GRIP1: variants seen among roughly 807,000 people sequenced by gnomAD.
GRIP1 encodes glutamate receptor interacting protein 1, also known as glutamate receptor-interacting protein 1.
Under a neutral mutation model 129.9 loss-of-function variants are expected in GRIP1, and 45 were observed. The observed-to-expected ratio is 0.35, with a 90% CI of 0.27 to 0.44. The LOEUF (loss-of-function observed/expected upper bound fraction) is 0.44, where lower values mean the gene tolerates loss of function less well. Ranked by LOEUF, GRIP1 falls within the 20% of genes least tolerant of loss-of-function variation. GRIP1 has a pLI of 1.00. For synonymous variants in GRIP1, 530 were observed against 520.8 expected (o/e 1.02, Z -0.24); for missense variants, 1,196 against 1,396.8 (o/e 0.86, Z 2.29).
chr12:66,574,623 A>G (rs902691351), intron 2 of GRIP1, among the ~76,000 whole-genome samples: 9 of 152,188 alleles, frequency 5.9e-5, no homozygotes, highest in Admixed American at 2.6e-4. Flanking sequence ...CTATTGATAG[A>G]TATTTTAGGT....
chr12:66,945,381 G>T (rs1044638965), intron 1 of GRIP1, among the ~76,000 whole-genome samples: 2 of 152,174 alleles, frequency 1.3e-5, no homozygotes, highest in African/African-American at 4.8e-5. Context: ...TTGCTATAAA[G>T]AATTATCTGA....
intron 2 of GRIP1, chr12:66,568,842 G>A (rs1206064474): frequency 2.3e-6 from 1 of 426,568 alleles, no homozygotes; most frequent in African/African-American, 2.1e-5. Flanking sequence ...AATTAGTACA[G>A]GTCCAACTGG....
intron 1 of GRIP1, among the ~76,000 whole-genome samples, chr12:67,000,257 G>GCCATATCACATAATATCTAGGA (rs530641347): frequency 8.9e-4 from 136 of 152,094 alleles, no homozygotes; most frequent in African/African-American, 3.1e-3. Context: ...ATCTAATAGG[G>GCCATATCACATAATATCTAGGA]CCATATCACA....
At position 66,655,082 on chromosome 12, in the gene GRIP1, G is replaced by T. The variant is rs1351952345; in HGVS notation, c.55+23768C>A. ...CAAATGTATATCTTTTGTTAAAATT[G>T]TATCAGATATTTTTAAAGTAACAAA... On this transcript the variant is annotated intron_variant, in intron 1 of 24. Coordinates refer to ENST00000359742, the MANE Select transcript of GRIP1 (RefSeq NM_001366722.1). 2.6e-5 allele frequency among the ~76,000 whole-genome samples: 4 copies of T among 152,170 alleles called. No individual in the cohort carries two copies. In the East Asian group the frequency reaches 7.7e-4, roughly 29 times the overall value.
intron 7 of GRIP1, among the ~76,000 whole-genome samples, chr12:66,486,917 A>G (rs2059971049): frequency 6.6e-6 from 1 of 152,000 alleles, no homozygotes; most frequent in Non-Finnish European, 1.5e-5. Flanking sequence ...CAGCCTACCG[A>G]GTAGCTGGTA....
chr12:66,761,978 G>A lies in GRIP1; in HGVS notation c.-420+42075C>T, dbSNP rs145016871. On this transcript the variant is annotated intron_variant, in intron 1 of 4. Coordinates refer to the GRIP1 transcript ENST00000538373. ...CAGGTTACTTATTTCTCTCTGCCTCGGTTTCCTCACCTGTAAAATGAGGAT... is the reference window on the plus strand; with the variant it reads ...CAGGTTACTTATTTCTCTCTGCCTCAGTTTCCTCACCTGTAAAATGAGGAT... Among the ~76,000 whole-genome samples the A allele has an allele frequency of 2.9e-3, 434 of 152,096 alleles. 4 individuals carry two copies. The highest frequency in any genetic ancestry group is 1.0e-2 in the African/African-American group (413 of 41,486).
At position 66,693,033 on chromosome 12, in the gene GRIP1, G is replaced by A. The variant is rs574522812; in HGVS notation, c.-419-62697C>T. ...AGTTATGAATAAAGTGTTTAGGATAGTGCTTGATACATAAAAAGTGCTAGG... is the reference window on the plus strand; with the variant it reads ...AGTTATGAATAAAGTGTTTAGGATAATGCTTGATACATAAAAAGTGCTAGG... On this transcript the variant is annotated intron_variant, in intron 1 of 4. Coordinates refer to the GRIP1 transcript ENST00000538373. Among the ~76,000 whole-genome samples, 24 of 152,274 alleles carry A rather than the reference G, an allele frequency of 1.6e-4. No homozygotes were observed. The South Asian group carries it at 4.8e-3, about 30-fold the overall frequency.
In GRIP1 at chr12:66,771,890, T is replaced by C. The variant is rs988900386; in HGVS notation, c.-420+32163A>G. Among the ~76,000 whole-genome samples the C allele has an allele frequency of 3.3e-5, 5 of 152,342 alleles. No individual in the cohort carries two copies. The East Asian group carries it at 5.8e-4, about 18-fold the overall frequency. ...GGCTCACTGCAAGTGCCACGGTCTA[T>C]AGAAAAGTTTTCAACATATTAAAAC... is the stretch of plus-strand genomic sequence containing the variant. On this transcript the variant is annotated intron_variant, in intron 1 of 4. Coordinates refer to the GRIP1 transcript ENST00000538373.
intron 2 of GRIP1, among the ~76,000 whole-genome samples, chr12:66,582,481 T>C (rs1288241629): frequency 6.7e-6 from 1 of 149,040 alleles, no homozygotes; most frequent in Non-Finnish European, 1.5e-5. Context: ...TGTTTGCAGA[T>C]GACATGATTG....
At chr12:66,409,511 A>T (rs981926587) in intron 15 of GRIP1, among the ~76,000 whole-genome samples, 1 of 152,170 alleles carries the variant, frequency 6.6e-6, no homozygotes, top group African/African-American at 2.4e-5. Flanking sequence ...GTGACCAAAA[A>T]CTTAGATCAC....
At chr12:66,992,833 C>G (rs1339467985) in intron 1 of GRIP1, among the ~76,000 whole-genome samples, 1 of 152,158 alleles carries the variant, frequency 6.6e-6, no homozygotes, top group East Asian at 1.9e-4. Context: ...CAAAAAAAGG[C>G]CAGGTGTGGT....
rs74884645 is a variant in GRIP1 at position 66,775,906 on chromosome 12, G to A, written c.-420+28147C>T. Among the ~76,000 whole-genome samples the A allele has an allele frequency of 7.7e-3, 1,176 of 152,186 alleles. 14 individuals carry two copies. The highest frequency in any genetic ancestry group is 0.011 in the Non-Finnish European group (751 of 68,006). ...TCTTTCCCGCAGGGCTTCTCAAAAC[G>A]CTTAATATGCTTATGTGCAAGGAGG... On this transcript the variant is annotated intron_variant, in intron 1 of 4. Transcript: ENST00000538373.
At chr12:66,810,091 A>T (rs889680682) in intron 1 of GRIP1, among the ~76,000 whole-genome samples, 20 of 152,324 alleles carry the variant, frequency 1.3e-4, no homozygotes, top group African/African-American at 4.3e-4. Context: ...TCTGAATTTG[A>T]GAGGGGATCA....
At chr12:66,366,283 G>A (rs1366700817) in intron 23 of GRIP1, among the ~76,000 whole-genome samples, 3 of 152,184 alleles carry the variant, frequency 2.0e-5, no homozygotes, top group African/African-American at 7.2e-5. Flanking sequence ...TCCTCCGAGG[G>A]CTGAGCCTGT....
chr12:66,548,234 A>G (rs2062008751), intron 2 of GRIP1, among the ~76,000 whole-genome samples: 2 of 152,210 alleles, frequency 1.3e-5, no homozygotes, highest in Admixed American at 1.3e-4. Flanking sequence ...GGACCTAACT[A>G]CTTAGTAAAT....
chr12:66,985,426 G>T (rs367810823), intron 1 of GRIP1, among the ~76,000 whole-genome samples: 9 of 152,184 alleles, frequency 5.9e-5, no homozygotes, highest in African/African-American at 1.9e-4. Context: ...TTAAATAAGT[G>T]ATATCAGCAA....
intron 1 of GRIP1, among the ~76,000 whole-genome samples, chr12:66,996,486 G>T (rs1030331881): frequency 2.0e-5 from 3 of 152,210 alleles, no homozygotes; most frequent in East Asian, 1.9e-4. Context: ...AAGGGCCTTG[G>T]AGTCTAAAGA....
At chr12:66,811,299 C>T (rs979325625) in intron 1 of GRIP1, among the ~76,000 whole-genome samples, 5 of 151,992 alleles carry the variant, frequency 3.3e-5, no homozygotes, top group African/African-American at 1.2e-4. Flanking sequence ...CTAAGTGTGC[C>T]GTTCTGACTA....
chr12:66,527,026 A>G lies in GRIP1; in HGVS notation c.502+2805T>C, dbSNP rs564426842. ...GCGATCATTAAAAAGTCAGGTAACA[A>G]CAGGTGCTGGAGAGGATGTGGAGAA... is the stretch of plus-strand genomic sequence containing the variant. On this transcript the variant is annotated intron_variant, in intron 5 of 24. Transcript: ENST00000359742. Among the ~76,000 whole-genome samples, 272 of 141,896 alleles carry G rather than the reference A, an allele frequency of 1.9e-3. 14 individuals carry two copies. The highest frequency in any genetic ancestry group is 7.0e-3 in the African/African-American group (264 of 37,472). The allele number at this position is 141,896 out of a possible 152,430, so 93.1% of individuals were successfully genotyped here.
Sources: allele counts gnomAD v4.1 joint callset (sites outside exome capture counted in the v4.1 genomes callset), GRCh38; gene constraint gnomAD v4.1.1; transcripts MANE v1.5; gene names NCBI Gene and HGNC (gene_info 2026-07-23, HGNC 2026-07-21).